Variants in LDB3 observed in about 807,000 individuals in gnomAD.
LDB3 encodes LIM domain binding 3.
In LDB3, 49 loss-of-function variants were observed where a neutral mutation model predicts 69.0. The observed-to-expected ratio is 0.71, with a 90% CI of 0.56 to 0.90. The LOEUF (loss-of-function observed/expected upper bound fraction) is 0.90, where lower values mean the gene tolerates loss of function less well. Among genes scored for constraint, LDB3 ranks in the 40% least tolerant of loss-of-function variants. The probability of loss-of-function intolerance (pLI) is 0.00; values close to 1 mark genes in which losing one functional copy is unlikely to be tolerated. For missense variants in LDB3, 928 were observed against 974.1 expected (o/e 0.95, Z 0.63); for synonymous variants, 387 against 396.2 (o/e 0.98, Z 0.28).
chr10:86,681,397 C>T (rs1845116665), intron 4 of LDB3, 39 bp from the exon 5 acceptor site: 12 of 1,598,166 alleles, frequency 7.5e-6, no homozygotes, highest in Non-Finnish European at 1.0e-5. Context: ...CCTCTAACCG[C>T]TCTCTTCTCT....
chr10:86,721,124 T>C (rs1358159297), intron 12 of LDB3, among the ~76,000 whole-genome samples: 2 of 152,222 alleles, frequency 1.3e-5, no homozygotes, highest in Non-Finnish European at 2.9e-5. Flanking sequence ...TTCTGTTCTA[T>C]TTTTGATTTT....
intron 7 of LDB3, 62 bp from the exon 8 acceptor site, chr10:86,706,469 A>AG: frequency 6.4e-7 from 1 of 1,563,036 alleles, no homozygotes; most frequent in African/African-American, 1.3e-5. Flanking sequence ...CCCCATGCAG[A>AG]GGGGCCTCAC....
rs761783543 is a variant in LDB3 at position 86,726,121 on chromosome 10, C to G, written c.1979-16C>G. The G allele has an allele frequency of 6.2e-7, 1 of 1,605,950 alleles. No homozygotes were observed. Among genetic ancestry groups the G allele is most frequent in the South Asian group, 1.1e-5 (1 of 90,872 alleles). ...CCCCACTGGGTGCGGGGTCTTCACT[C>G]TGCTTTTCATTTCAGACTACATCAA... On this transcript the variant is annotated splice_polypyrimidine_tract_variant and intron_variant, in intron 12 of 13. Transcript: ENST00000361373.
rs375999956 is a variant in LDB3 at position 86,692,486 on chromosome 10, C to T, written c.860-49C>T. The T allele has an allele frequency of 9.4e-6, 15 of 1,596,192 alleles. No homozygotes were observed. The African/African-American group carries it at 1.9e-4, about 20-fold the overall frequency. ...TGCCCACAGAGCCCCAGCAGCTTTCCTTGCTGTGTCTCCCGTGAGTCCCCT... is the reference window on the plus strand; with the variant it reads ...TGCCCACAGAGCCCCAGCAGCTTTCTTTGCTGTGTCTCCCGTGAGTCCCCT... On this transcript the variant is annotated intron_variant, in intron 6 of 13. Coordinates refer to ENST00000361373, the MANE Select transcript of LDB3 (RefSeq NM_007078.3).
chr10:86,679,603 A>C (rs1844999899), intron 3 of LDB3, 85 bp downstream of exon 3: 2 of 1,462,000 alleles, frequency 1.4e-6, no homozygotes, highest in Admixed American at 3.4e-5. Flanking sequence ...TCCCATAGCA[A>C]TTGAGTGGGC....
At chr10:86,729,304 T>C (rs900781367) in intron 13 of LDB3, among the ~76,000 whole-genome samples, 2 of 152,174 alleles carry the variant, frequency 1.3e-5, no homozygotes, top group Admixed American at 6.5e-5. Flanking sequence ...GCCTGAGAAG[T>C]GCACTGTGGG....
chr10:86,699,991 T>C lies in LDB3; in HGVS notation c.897-6540T>C. The C allele has an allele frequency of 1.0e-6, 1 of 992,142 alleles. No individual in the cohort carries two copies. Among genetic ancestry groups the C allele is most frequent in the Non-Finnish European group, 1.2e-6 (1 of 833,532 alleles). 61.5% of individuals were successfully genotyped at this position (992,142 alleles called of 1,614,324 possible). A position where few individuals can be genotyped will look rare whatever the true frequency, so the allele number is the denominator to read the frequency against. On this transcript the variant is annotated intron_variant, in intron 7 of 13. Coordinates refer to ENST00000361373, the MANE Select transcript of LDB3 (RefSeq NM_007078.3). The surrounding 1 kb of genome is among the most constrained non-coding windows in gnomAD (Gnocchi z 4.9). ...ACCGTGTGTGCTGGCTCCATAGTTC[T>C]CTCTTCTGTACATATAAGCATGCTT...
At chr10:86,670,614 A>G (rs1257552411) in intron 2 of LDB3, among the ~76,000 whole-genome samples, 1 of 152,234 alleles carries the variant, frequency 6.6e-6, no homozygotes, top group Non-Finnish European at 1.5e-5. Flanking sequence ...CTTAAATGGC[A>G]GCCCAGAAGC....
In LDB3 at chr10:86,709,885, C is replaced by T; in HGVS notation, c.1086-20C>T. ...TGGGGGCTGTCCTTCTGGGTGTAAC[C>T]CCTCCCCGCTTGGTTCCAGGCCCCA... On this transcript the variant is annotated intron_variant, in intron 8 of 13. Transcript: ENST00000361373. 1 of 1,606,448 alleles carries T rather than the reference C, an allele frequency of 6.2e-7. No homozygotes were observed. The highest frequency in any genetic ancestry group is 1.1e-5 in the South Asian group (1 of 91,022).
At chr10:86,704,513 G>A (rs116728852) in intron 7 of LDB3, among the ~76,000 whole-genome samples, 1,994 of 151,408 alleles carry the variant, frequency 0.013, 43 homozygotes, top group African/African-American at 0.046. Context: ...TCTGCCTCCC[G>A]GGTTCAAGGG....
chr10:86,718,693 C>T, intron 11 of LDB3, 34 bp from the exon 12 acceptor site: 1 of 1,614,098 alleles, frequency 6.2e-7, no homozygotes, highest in Non-Finnish European at 8.5e-7. Flanking sequence ...CTCCCTCTCT[C>T]CTTTCTGTCC....
intron 13 of LDB3, among the ~76,000 whole-genome samples, chr10:86,729,538 G>A (rs1467977816): frequency 6.6e-6 from 1 of 152,182 alleles, no homozygotes; most frequent in Non-Finnish European, 1.5e-5. Context: ...ACTCTGCTGG[G>A]ACTTGCAGTC....
chr10:86,692,314 C>CGA (rs1289814782), intron 6 of LDB3, among the ~76,000 whole-genome samples: 1 of 152,214 alleles, frequency 6.6e-6, no homozygotes, highest in Non-Finnish European at 1.5e-5. Context: ...AACTTCCGGG[C>CGA]GAGATGATTG....
upstream of LDB3, among the ~76,000 whole-genome samples, chr10:86,668,113 A>C (rs1844252571): frequency 6.6e-6 from 1 of 152,194 alleles, no homozygotes; most frequent in African/African-American, 2.4e-5. Context: ...GCTCAGCTCA[A>C]GCCAAGGCAC....
intron 4 of LDB3, 147 bp from the exon 5 acceptor site, chr10:86,681,289 C>T (rs1333964570): frequency 8.2e-7 from 1 of 1,217,992 alleles, no homozygotes; most frequent in Non-Finnish European, 1.2e-6. Flanking sequence ...GTGTCCTCCC[C>T]TCCAAGTGCT....
chr10:86,681,480 C>G lies in LDB3; in HGVS notation c.366C>G (p.Pro122=), dbSNP rs1040657956. The change falls in exon 5 of 14, where the codon CCC becomes CCG. Residue 122 remains proline (P), a synonymous_variant. Transcript: ENST00000361373. ...DTNGSLVAPS[P]SPEARASPGT... is the part of the protein sequence containing the mutation. Reference sequence around the variant, plus strand: ...ACGGCAGCCTGGTGGCACCCAGCCCCAGCCCTGAGGCGAGGGCCAGCCCAG... The same window carrying G: ...ACGGCAGCCTGGTGGCACCCAGCCCGAGCCCTGAGGCGAGGGCCAGCCCAG... 1.2e-6 allele frequency: 2 copies of G among 1,608,362 alleles called. No homozygotes were observed. The highest frequency in any genetic ancestry group is 1.7e-6 in the Non-Finnish European group (2 of 1,179,802).
intron 5 of LDB3, chr10:86,687,349 C>G: frequency 2.1e-6 from 3 of 1,415,722 alleles, no homozygotes; most frequent in Non-Finnish European, 2.0e-6. Flanking sequence ...ACCATCGGGA[C>G]CAGCTTTCTT....
chr10:86,671,511 G>A (rs932167540), intron 2 of LDB3, among the ~76,000 whole-genome samples: 1 of 152,024 alleles, frequency 6.6e-6, no homozygotes, highest in Non-Finnish European at 1.5e-5. Context: ...AGGGTGGCGG[G>A]GAAATGCCTT....
In LDB3 at chr10:86,680,083, T is replaced by G; in HGVS notation, c.247T>G (p.Ser83Ala). ...SYNLSLTLQK[S>A]KRPIPISTTA... Reference sequence around the variant, plus strand: ...TGGTCTCATTTCTGGTTTCTACAGATCAAAGCGTCCCATTCCCATCTCCAC... The same window carrying G: ...TGGTCTCATTTCTGGTTTCTACAGAGCAAAGCGTCCCATTCCCATCTCCAC... The change falls in exon 4 of 14, where the codon TCA becomes GCA. Residue 83 changes from serine to alanine, a missense_variant and splice_region_variant. Transcript: ENST00000361373. The G allele has an allele frequency of 1.9e-6, 3 of 1,614,068 alleles. No homozygotes were observed. The highest frequency in any genetic ancestry group is 2.5e-6 in the Non-Finnish European group (3 of 1,179,916).
Sources: gnomAD v4.1 joint callset for allele counts (sites outside exome capture counted in the v4.1 genomes callset) on GRCh38, gnomAD v4.1.1 for gene constraint, Gnocchi (gnomAD v3.1) non-coding constraint, MANE v1.5 for transcripts, NCBI Gene and HGNC (gene_info 2026-07-23, HGNC 2026-07-21) for gene names.